Variants in C9orf72 observed in about 807,000 individuals in gnomAD.
The protein encoded by C9orf72 is C9orf72-SMCR8 complex subunit.
Under a neutral mutation model 51.6 loss-of-function variants are expected in C9orf72, and 44 were observed. The observed-to-expected ratio is 0.85, with a 90% CI of 0.67 to 1.10. The LOEUF is 1.10. Ranked by LOEUF, C9orf72 falls within the 50% of genes least tolerant of loss-of-function variation. The pLI, the probability that C9orf72 is intolerant of heterozygous loss-of-function variation, is 0.00. For missense variants in C9orf72, 607 were observed against 570.6 expected (o/e 1.06, Z -0.65); for synonymous variants, 213 against 194.2 (o/e 1.10, Z -0.81).
intron 8 of C9orf72, among the ~76,000 whole-genome samples, chr9:27,553,564 G>C (rs748038974): frequency 3.4e-4 from 51 of 152,148 alleles, no homozygotes; most frequent in Non-Finnish European, 5.1e-4. Context: ...ATCAACTCAA[G>C]ATGGATTAAA....
At position 27,548,424 on chromosome 9, in the gene C9orf72, TA is replaced by T; in HGVS notation, c.1260-3del. The T allele has an allele frequency of 7.0e-6, 2 of 287,708 alleles. No homozygotes were observed. Among genetic ancestry groups the T allele is most frequent in the Non-Finnish European group, 5.7e-6 (1 of 176,032 alleles). The allele number at this position is 287,708 out of a possible 1,614,324, so 17.8% of individuals were successfully genotyped here. Reference sequence around the variant, plus strand: ...TTAAAGGGCTTTTTTCCCTTCTGCCTAAAAATAATGGAAAAAAAAAAAAAAA... The same window carrying T: ...TTAAAGGGCTTTTTTCCCTTCTGCCTAAAATAATGGAAAAAAAAAAAAAAA... On this transcript the variant is annotated splice_region_variant and splice_polypyrimidine_tract_variant and intron_variant, in intron 10 of 10. Transcript: ENST00000380003.
At chr9:27,571,305 AT>A (rs1819581265) in intron 1 of C9orf72, 1 of 152,220 alleles carries the variant, frequency 6.6e-6, no homozygotes, top group African/African-American at 2.4e-5. Context: ...ATTAATTAAC[AT>A]CTGCTAAAAC....
chr9:27,550,164 T>TGAC (rs1820877149), intron 9 of C9orf72, among the ~76,000 whole-genome samples: 6 of 150,678 alleles, frequency 4.0e-5, no homozygotes, highest in Admixed American at 2.0e-4. Flanking sequence ...TGGTAATATG[T>TGAC]ATATATGCTC....
chr9:27,555,449 T>C (rs967944666), intron 8 of C9orf72, among the ~76,000 whole-genome samples: 9 of 152,176 alleles, frequency 5.9e-5, no homozygotes, highest in Admixed American at 2.6e-4. Context: ...TGTAGATACA[T>C]AGGTCAGGCT....
chr9:27,550,793 G>A (rs547752999), intron 8 of C9orf72, 86 bp from the exon 9 acceptor site: 1 of 604,002 alleles, frequency 1.7e-6, no homozygotes, highest in African/African-American at 1.9e-5. Context: ...TCCCTCACTT[G>A]AGCCAACATT....
At chr9:27,557,315 T>G (rs890522744) in intron 7 of C9orf72, among the ~76,000 whole-genome samples, 3 of 152,174 alleles carry the variant, frequency 2.0e-5, no homozygotes, top group Non-Finnish European at 4.4e-5. Context: ...TAAAACAAAT[T>G]TACTTCTTTC....
chr9:27,557,419 C>A (rs764354208), intron 7 of C9orf72, among the ~76,000 whole-genome samples: 60 of 152,102 alleles, frequency 3.9e-4, no homozygotes, highest in Non-Finnish European at 6.2e-4. Context: ...AGGCTATTTC[C>A]ATTTTTTTAC....
intron 2 of C9orf72, among the ~76,000 whole-genome samples, chr9:27,566,425 GTTTC>G (rs1484630443): frequency 6.6e-6 from 1 of 152,092 alleles, no homozygotes; most frequent in Non-Finnish European, 1.5e-5. Flanking sequence ...GGGTCTAAAA[GTTTC>G]TTTATTTGTC....
chr9:27,565,561 G>C lies in C9orf72; in HGVS notation c.474C>G (p.Ile158Met). Residue 158 changes from isoleucine to methionine, a missense_variant, in exon 3 of 11, where the codon ATC becomes ATG. Physicochemically the swap from Ile to Met is conservative, Grantham distance 10. Coordinates refer to ENST00000380003, the MANE Select transcript of C9orf72 (RefSeq NM_018325.5). ...CTTCCATTCTCTCTGTGCCTTCTAA[G>C]ATAATCTTCTGGACATTTTCTTGTC... Reference protein sequence around the residue: ...KERQENVQKIILEGTERMEDQ... With the variant: ...KERQENVQKIMLEGTERMEDQ... 1 of 1,606,286 alleles carries C rather than the reference G, an allele frequency of 6.2e-7. No homozygotes were observed. Among genetic ancestry groups the C allele is most frequent in the South Asian group, 1.1e-5 (1 of 90,774 alleles).
At position 27,548,435 on chromosome 9, in the gene C9orf72, GAAAAAA is replaced by G. The variant is rs11292923; in HGVS notation, c.1260-19_1260-14del. 1,535 of 174,032 alleles carry G rather than the reference GAAAAAA, an allele frequency of 8.8e-3. No homozygotes were observed. The highest frequency in any genetic ancestry group is 0.018 in the East Asian group (271 of 14,794). The allele number at this position is 174,032 out of a possible 1,614,324, so 10.8% of individuals were successfully genotyped here. On this transcript the variant is annotated splice_polypyrimidine_tract_variant and intron_variant, in intron 10 of 10. Coordinates refer to ENST00000380003, the MANE Select transcript of C9orf72 (RefSeq NM_018325.5). ...TTTTCCCTTCTGCCTAAAAATAATG[GAAAAAA>G]AAAAAAAAAAAAAAAAAAAAGAAGC... is the stretch of plus-strand genomic sequence containing the variant.
intron 8 of C9orf72, among the ~76,000 whole-genome samples, chr9:27,551,746 G>T (rs1820913261): frequency 1.3e-5 from 2 of 151,730 alleles, no homozygotes; most frequent in Admixed American, 1.3e-4. Flanking sequence ...TAATCGAGTG[G>T]ACTTATTATA....
At chr9:27,552,977 C>T (rs1820939001) in intron 8 of C9orf72, among the ~76,000 whole-genome samples, 1 of 152,012 alleles carries the variant, frequency 6.6e-6, no homozygotes, top group South Asian at 2.1e-4. Flanking sequence ...ATGATGCTGG[C>T]CTCATTAGGG....
chr9:27,550,007 T>C (rs1165154094), intron 9 of C9orf72, among the ~76,000 whole-genome samples: 4 of 151,026 alleles, frequency 2.6e-5, no homozygotes, highest in Non-Finnish European at 5.9e-5. Context: ...AATGTTAAAA[T>C]ATATATAAAA....
At position 27,547,154 on chromosome 9, in the gene C9orf72, A is replaced by T. The variant is rs899991877; in HGVS notation, c.*1082T>A. The T allele has an allele frequency of 6.6e-6, 1 of 152,620 alleles. No individual in the cohort carries two copies. The highest frequency in any genetic ancestry group is 1.5e-5 in the Non-Finnish European group (1 of 68,026). The allele number at this position is 152,620 out of a possible 1,614,324, so 9.5% of individuals were successfully genotyped here. On this transcript the variant is annotated 3_prime_UTR_variant, in exon 11 of 11. Coordinates refer to ENST00000380003, the MANE Select transcript of C9orf72 (RefSeq NM_018325.5). ...CCTAGGAAAACAGCACTTCAGTAAAATTTCTCCTGCTATTCCTTATAGCCT... is the reference window on the plus strand; with the variant it reads ...CCTAGGAAAACAGCACTTCAGTAAATTTTCTCCTGCTATTCCTTATAGCCT...
chr9:27,560,563 T>A (rs1274369469), intron 5 of C9orf72: 3 of 744,896 alleles, frequency 4.0e-6, no homozygotes, highest in Non-Finnish European at 5.1e-6. Context: ...TTTATTGAAA[T>A]ACCATCATTT....
chr9:27,554,507 A>G (rs1820971205), intron 8 of C9orf72: 2 of 398,052 alleles, frequency 5.0e-6, no homozygotes, highest in Non-Finnish European at 8.9e-6. Flanking sequence ...AAGGGTGAGG[A>G]TCAAAAAACT....
upstream of C9orf72, chr9:27,573,523 C>CGCCCCGGCCCCGGCCCAG (rs1819644458): frequency 1.4e-5 from 2 of 142,348 alleles, no homozygotes; most frequent in African/African-American, 5.1e-5. Context: ...GCCCCGACCA[C>CGCCCCGGCCCCGGCCCAG]GCCCCGGCCC....
chr9:27,560,355 T>C, intron 5 of C9orf72, 56 bp from the exon 6 acceptor site: 1 of 1,382,518 alleles, frequency 7.2e-7, no homozygotes, highest in Non-Finnish European at 9.9e-7. Flanking sequence ...TTTAACAAAC[T>C]AAAAACAAAA....
At chr9:27,567,685 T>C (rs572576878) in intron 1 of C9orf72, among the ~76,000 whole-genome samples, 8 of 152,084 alleles carry the variant, frequency 5.3e-5, no homozygotes, top group Admixed American at 1.3e-4. Flanking sequence ...TATCTAGAAA[T>C]AAGTGTAATC....
Sources: gnomAD v4.1 joint callset for allele counts (sites outside exome capture counted in the v4.1 genomes callset) on GRCh38, gnomAD v4.1.1 for gene constraint, MANE v1.5 for transcripts, NCBI Gene and HGNC (gene_info 2026-07-23, HGNC 2026-07-21) for gene names.